PRKX: variants seen among roughly 807,000 people sequenced by gnomAD.
The protein encoded by PRKX is protein kinase cAMP-dependent X-linked catalytic subunit, also known as cAMP-dependent protein kinase catalytic subunit PRKX.
A neutral mutation model predicts 22.0 loss-of-function variants in PRKX; 12 were observed. That is an observed-to-expected ratio of 0.54 (90% CI 0.35 to 0.88). PRKX has a LOEUF of 0.88. Ranked by LOEUF, PRKX falls within the 40% of genes least tolerant of loss-of-function variation. PRKX has a pLI of 0.01. For missense variants in PRKX, 217 were observed against 308.0 expected (o/e 0.70, Z 2.21); for synonymous variants, 134 against 137.7 (o/e 0.97, Z 0.19).
intron 3 of PRKX, among the ~76,000 whole-genome samples, chrX:3,653,699 GAT>G (rs1285666016): frequency 1.6e-4 from 9 of 57,783 alleles, no homozygotes; most frequent in Admixed American, 3.2e-4. Context: ...TATACTATGT[GAT>G]ATATATAATA....
chrX:3,685,921 C>T lies in PRKX; in HGVS notation c.167-11155G>A, dbSNP rs759176477. ...ATTAGCTGGGCATGGTGGCGCACAT[C>T]TGTGGTCCCAGTTACGCAGGAGGCT... On this transcript the variant is annotated intron_variant, in intron 1 of 8. Coordinates refer to ENST00000262848, the MANE Select transcript of PRKX (RefSeq NM_005044.5). 1.3e-4 allele frequency among the ~76,000 whole-genome samples: 15 copies of T among 111,159 alleles called. No individual in the cohort carries two copies. The East Asian group carries it at 4.3e-3, about 32-fold the overall frequency.
At chrX:3,706,681 T>G (rs1173297421) in intron 1 of PRKX, among the ~76,000 whole-genome samples, 1 of 112,139 alleles carries the variant, frequency 8.9e-6, no homozygotes, top group East Asian at 2.8e-4. Flanking sequence ...ACGTCTCCCT[T>G]CTTTGCAGCG....
chrX:3,663,893 T>C (rs1317052296), intron 2 of PRKX, among the ~76,000 whole-genome samples: 6 of 111,040 alleles, frequency 5.4e-5, no homozygotes, highest in African/African-American at 1.6e-4. Flanking sequence ...CTTGGCAGGC[T>C]GAAGGGGTGG....
intron 1 of PRKX, among the ~76,000 whole-genome samples, chrX:3,706,582 C>T (rs1414460549): frequency 8.9e-5 from 10 of 112,216 alleles, no homozygotes; most frequent in African/African-American, 3.2e-4. Context: ...ACCTCCTGGG[C>T]TCAAGCGATT....
At chrX:3,693,291 A>G (rs1421382131) in intron 1 of PRKX, among the ~76,000 whole-genome samples, 1 of 111,546 alleles carries the variant, frequency 9.0e-6, no homozygotes, top group Non-Finnish European at 1.9e-5. Flanking sequence ...AGGCCTCTTT[A>G]AGAAGTAAAA....
In PRKX at chrX:3,637,653, A is replaced by T. The variant is rs186414768; in HGVS notation, c.719+4199T>A. On this transcript the variant is annotated intron_variant, in intron 4 of 8. Coordinates refer to ENST00000262848, the MANE Select transcript of PRKX (RefSeq NM_005044.5). The stretch of plus-strand genomic sequence containing the variant: ...CTAATTAGAAAAAAGGAAAATAAAA[A>T]TAGGCTTACTGTGAATCAATAGCTC... Among the ~76,000 whole-genome samples, 134 of 112,171 alleles carry T rather than the reference A, an allele frequency of 1.2e-3. 2 individuals are homozygous for T. Among genetic ancestry groups the T allele is most frequent in the African/African-American group, 4.1e-3 (127 of 30,947 alleles).
At chrX:3,656,648 T>TG (rs1465650846) in intron 2 of PRKX, among the ~76,000 whole-genome samples, 1 of 111,366 alleles carries the variant, frequency 9.0e-6, no homozygotes, top group Non-Finnish European at 1.9e-5. Flanking sequence ...TAGAAAGGTG[T>TG]AATTCATCAG....
At chrX:3,659,707 TG>T (rs1927549400) in intron 2 of PRKX, among the ~76,000 whole-genome samples, 1 of 60,975 alleles carries the variant, frequency 1.6e-5, no homozygotes, top group African/African-American at 9.8e-5. Context: ...GTTGGAGTGG[TG>T]TTTTTTTTGT....
intron 2 of PRKX, among the ~76,000 whole-genome samples, chrX:3,664,356 C>T (rs1927677154): frequency 8.9e-6 from 1 of 112,112 alleles, no homozygotes; most frequent in Admixed American, 9.5e-5. Context: ...CCCACCTCAG[C>T]CTCCTGAAGA....
intron 8 of PRKX, among the ~76,000 whole-genome samples, chrX:3,609,643 T>TGG (rs56152404): frequency 9.1e-6 from 1 of 109,504 alleles, no homozygotes; most frequent in Non-Finnish European, 1.9e-5. Flanking sequence ...TTTGTAGAGA[T>TGG]GGGGTCTCAC....
At chrX:3,668,575 T>C (rs17260002) in intron 2 of PRKX, among the ~76,000 whole-genome samples, 2,008 of 112,020 alleles carry the variant, frequency 0.018, 31 homozygotes, top group Non-Finnish European at 0.025. Flanking sequence ...GAAGAGGTTC[T>C]GGCATGAACT....
At position 3,713,269 on chromosome X, in the gene PRKX, TCCGGGGCA is replaced by T; in HGVS notation, c.-24_-17del. 9.9e-7 allele frequency: 1 copy of T among 1,011,298 alleles called. No individual in the cohort carries two copies. The highest frequency in any genetic ancestry group is 1.2e-6 in the Non-Finnish European group (1 of 804,591). The allele number at this position is 1,011,298 out of a possible 1,213,427, so 83.3% of individuals were successfully genotyped here. On this transcript the variant is annotated 5_prime_UTR_variant, in exon 1 of 9. Coordinates refer to ENST00000262848, the MANE Select transcript of PRKX (RefSeq NM_005044.5). ...GCGCCTCCATGGGGACGCACTCAGG[TCCGGGGCA>T]CCGGGCCAGGCCGGAGCGCTCGGGG...
intron 1 of PRKX, among the ~76,000 whole-genome samples, chrX:3,704,180 GT>G (rs1385258076): frequency 1.8e-5 from 2 of 111,907 alleles, no homozygotes; most frequent in Non-Finnish European, 3.8e-5. Flanking sequence ...GAAAGTATTG[GT>G]TGCATTAGTT....
chrX:3,619,557 C>T (rs1926510797), intron 6 of PRKX, among the ~76,000 whole-genome samples: 2 of 110,297 alleles, frequency 1.8e-5, no homozygotes, highest in African/African-American at 6.6e-5. Flanking sequence ...GAAGAGGAGA[C>T]ACAGACACAG....
chrX:3,654,525 A>C (rs1490577090), intron 3 of PRKX, among the ~76,000 whole-genome samples: 2 of 94,445 alleles, frequency 2.1e-5, no homozygotes, highest in Non-Finnish European at 4.1e-5. Context: ...CCCAGGCTGG[A>C]GTGCAGTGGT....
intron 1 of PRKX, among the ~76,000 whole-genome samples, chrX:3,700,858 C>T (rs1470385345): frequency 9.0e-6 from 1 of 111,502 alleles, no homozygotes; most frequent in African/African-American, 3.3e-5. Context: ...CCTCAACCTC[C>T]CAAAGTGTTG....
chrX:3,668,457 A>G (rs1209204578), intron 2 of PRKX, among the ~76,000 whole-genome samples: 1 of 112,061 alleles, frequency 8.9e-6, no homozygotes, highest in Non-Finnish European at 1.9e-5. Flanking sequence ...AAACAAAGGA[A>G]TGATTTTACT....
intron 2 of PRKX, among the ~76,000 whole-genome samples, chrX:3,672,338 G>C (rs1927864252): frequency 8.9e-6 from 1 of 112,106 alleles, no homozygotes; most frequent in Non-Finnish European, 1.9e-5. Context: ...ATTGAAAGCA[G>C]GGAATATCAA....
At chrX:3,632,270 C>T (rs910904945) in intron 4 of PRKX, among the ~76,000 whole-genome samples, 1 of 111,426 alleles carries the variant, frequency 9.0e-6, no homozygotes, top group Non-Finnish European at 1.9e-5. Flanking sequence ...GCCACCACAA[C>T]GTACTGAAAA....
Sources: allele counts gnomAD v4.1 joint callset (sites outside exome capture counted in the v4.1 genomes callset), GRCh38; gene constraint gnomAD v4.1.1; transcripts MANE v1.5; gene names NCBI Gene and HGNC (gene_info 2026-07-23, HGNC 2026-07-21).